PRKN: variants seen among roughly 807,000 people sequenced by gnomAD.
The protein encoded by PRKN is parkin RBR E3 ubiquitin protein ligase, also known as E3 ubiquitin-protein ligase parkin.
In PRKN, 56 loss-of-function variants were observed where a neutral mutation model predicts 59.5. The observed-to-expected ratio is 0.94, with a 90% CI of 0.76 to 1.18. The LOEUF is 1.18. Ranked by LOEUF, PRKN falls within the 50% of genes most tolerant of loss-of-function variation. PRKN has a pLI of 0.00. For missense variants in PRKN, 657 were observed against 596.4 expected, an observed-to-expected ratio of 1.10 and a Z score of -1.06; for synonymous variants, 250 against 222.1, an observed-to-expected ratio of 1.13 and a Z score of -1.12.
Position 162,328,035 on chromosome 6 carries a change from G to A in PRKN, c.172-65270C>T, listed in dbSNP as rs74724292. Among the ~76,000 whole-genome samples, 168 of 134,286 alleles carry A rather than the reference G, an allele frequency of 1.3e-3. 1 individual carries two copies. The highest frequency in any genetic ancestry group is 4.3e-3 in the African/African-American group (158 of 37,132). 88.1% of individuals were successfully genotyped at this position (134,286 alleles called of 152,430 possible). On this transcript the variant is annotated intron_variant, in intron 2 of 11. Coordinates refer to ENST00000366898, the MANE Select transcript of PRKN (RefSeq NM_004562.3). The stretch of plus-strand genomic sequence containing the variant: ...CTGGCCACACTGCAAGGCCCTCAAC[G>A]TTCCCACGTGAAAAAAGAAATTGTT...
At chr6:161,747,369 A>T (rs1049087847) in intron 7 of PRKN, among the ~76,000 whole-genome samples, 1 of 152,082 alleles carries the variant, frequency 6.6e-6, no homozygotes, top group East Asian at 1.9e-4. Flanking sequence ...ATTCACATAA[A>T]CCAAGGTAAT....
chr6:161,732,484 T>TG (rs748406877), intron 7 of PRKN, among the ~76,000 whole-genome samples: 3,231 of 138,074 alleles, frequency 0.023, 83 homozygotes, highest in African/African-American at 0.094. Flanking sequence ...GTTTTTTTTT[T>TG]TTGTGTGTGT....
intron 4 of PRKN, among the ~76,000 whole-genome samples, chr6:162,063,965 A>G (rs1778219169): frequency 6.6e-6 from 1 of 152,176 alleles, no homozygotes; most frequent in African/African-American, 2.4e-5. Flanking sequence ...AGACTCGTAC[A>G]AGCATCTAAC....
rs115732166 is a variant in PRKN, at chr6:161,546,752, A to G, written c.1083+2102T>C. ...TGAATAAAGTGAGAGTGACAGGTGC[A>G]GCTTTGGGGATTTGGTCCTACAAGG... On this transcript the variant is annotated intron_variant, in intron 9 of 11. Coordinates refer to ENST00000366898, the MANE Select transcript of PRKN (RefSeq NM_004562.3). The surrounding 1 kb of genome is among the most constrained non-coding windows in gnomAD (Gnocchi z 4.4). Among the ~76,000 whole-genome samples, 2,793 of 152,080 alleles carry G rather than the reference A, an allele frequency of 0.018. 90 individuals are homozygous for G. Among genetic ancestry groups the G allele is most frequent in the African/African-American group, 0.063 (2,610 of 41,446 alleles).
chr6:162,065,715 C>G (rs968339572), intron 4 of PRKN, among the ~76,000 whole-genome samples: 3 of 152,140 alleles, frequency 2.0e-5, no homozygotes, highest in African/African-American at 7.2e-5. Flanking sequence ...TGCCATCCCT[C>G]CCCCAGCCCT....
intron 9 of PRKN, among the ~76,000 whole-genome samples, chr6:161,514,603 G>A (rs961788232): frequency 3.9e-5 from 6 of 152,268 alleles, no homozygotes; most frequent in African/African-American, 1.4e-4. Flanking sequence ...GCTGGCTTAG[G>A]AGGGAGGTGA....
At chr6:162,339,451 GCGGCCC>G (rs1784053119) in intron 2 of PRKN, among the ~76,000 whole-genome samples, 2 of 146,976 alleles carry the variant, frequency 1.4e-5, no homozygotes, top group Admixed American at 6.7e-5. Context: ...CCTCTGCCCG[GCGGCCC>G]CTACTGGGAA....
intron 7 of PRKN, among the ~76,000 whole-genome samples, chr6:161,621,021 C>T (rs1203499815): frequency 6.6e-6 from 1 of 152,114 alleles, no homozygotes; most frequent in South Asian, 2.1e-4. Context: ...ATGTTCGGTG[C>T]TTCAAGGGCT....
chr6:162,442,261 C>A (rs950709925), intron 2 of PRKN, among the ~76,000 whole-genome samples: 4 of 152,148 alleles, frequency 2.6e-5, no homozygotes, highest in African/African-American at 9.7e-5. Context: ...GATACAAGGA[C>A]GGACTTTGTG....
chr6:162,650,070 G>A (rs916149030), intron 1 of PRKN, among the ~76,000 whole-genome samples: 1 of 152,156 alleles, frequency 6.6e-6, no homozygotes, highest in African/African-American at 2.4e-5. Flanking sequence ...TCACTGTTAA[G>A]ATTGCTAAAA....
intron 9 of PRKN, among the ~76,000 whole-genome samples, chr6:161,537,618 A>AT (rs1207849065): frequency 6.6e-6 from 1 of 151,964 alleles, no homozygotes; most frequent in African/African-American, 2.4e-5. Context: ...TGCTCGGCTA[A>AT]TTTTTTGTGT....
At chr6:162,341,113 A>G (rs951979523) in intron 2 of PRKN, among the ~76,000 whole-genome samples, 5 of 152,162 alleles carry the variant, frequency 3.3e-5, no homozygotes, top group African/African-American at 1.2e-4. Flanking sequence ...ATATGAACAG[A>G]CACTTCTCAA....
At chr6:162,195,986 T>C (rs560818829) in intron 4 of PRKN, among the ~76,000 whole-genome samples, 1 of 152,336 alleles carries the variant, frequency 6.6e-6, no homozygotes, top group East Asian at 1.9e-4. Context: ...TATTTCACTC[T>C]ATAAAAAGCC....
intron 3 of PRKN, among the ~76,000 whole-genome samples, chr6:162,220,242 A>C (rs1777869445): frequency 6.6e-6 from 1 of 152,198 alleles, no homozygotes; most frequent in African/African-American, 2.4e-5. Context: ...GAAAACCTAG[A>C]AAATATCCTT....
chr6:162,716,772 GCACA>G (rs1242131965), intron 1 of PRKN, among the ~76,000 whole-genome samples: 1 of 134,638 alleles, frequency 7.4e-6, no homozygotes, highest in Non-Finnish European at 1.5e-5. Context: ...GCGCGCGCAC[GCACA>G]CACACACGCG....
intron 9 of PRKN, among the ~76,000 whole-genome samples, chr6:161,532,588 T>C (rs78162422): frequency 0.017 from 2,654 of 152,270 alleles, 74 homozygotes; most frequent in African/African-American, 0.061. Context: ...ATTAGCTTTG[T>C]GGGGTTTTTT....
intron 4 of PRKN, among the ~76,000 whole-genome samples, chr6:162,140,759 AT>A (rs1781744124): frequency 6.6e-6 from 1 of 152,278 alleles, no homozygotes; most frequent in South Asian, 2.1e-4. Flanking sequence ...ATTTACTATT[AT>A]AAAGGCCATG....
chr6:162,146,774 G>C (rs180839646), intron 4 of PRKN, among the ~76,000 whole-genome samples: 17 of 151,830 alleles, frequency 1.1e-4, no homozygotes, highest in Non-Finnish European at 2.2e-4. Flanking sequence ...CAAAGTGCTG[G>C]GGTTACAGGT....
At chr6:161,824,426 A>G (rs915729041) in intron 6 of PRKN, among the ~76,000 whole-genome samples, 1 of 152,254 alleles carries the variant, frequency 6.6e-6, no homozygotes, top group African/African-American at 2.4e-5. Context: ...ATTTTAATGG[A>G]AACCACTTGA....
Sources: gnomAD v4.1 joint callset for allele counts (sites outside exome capture counted in the v4.1 genomes callset) on GRCh38, gnomAD v4.1.1 for gene constraint, Gnocchi (gnomAD v3.1) non-coding constraint, MANE v1.5 for transcripts, NCBI Gene and HGNC (gene_info 2026-07-23, HGNC 2026-07-21) for gene names.